Variants in CHL1 observed in about 807,000 individuals in gnomAD.
CHL1 encodes neural cell adhesion molecule L1-like protein.
A neutral mutation model predicts 141.9 loss-of-function variants in CHL1; 96 were observed. The observed-to-expected ratio is 0.68, with a 90% CI of 0.57 to 0.80. The LOEUF (loss-of-function observed/expected upper bound fraction) is 0.80, where lower values mean the gene tolerates loss of function less well. Among genes scored for constraint, CHL1 ranks in the 30% least tolerant of loss-of-function variants. CHL1 has a pLI of 0.00. For missense variants in CHL1, 1,820 were observed against 1,457.2 expected (o/e 1.25, Z -4.05); for synonymous variants, 613 against 502.2 (o/e 1.22, Z -2.95).
intron 2 of CHL1, among the ~76,000 whole-genome samples, chr3:288,744 G>A (rs1697397379): frequency 6.6e-6 from 1 of 152,148 alleles, no homozygotes; most frequent in Admixed American, 6.5e-5. Flanking sequence ...GTGTCCACAG[G>A]GAATTGTCTG....
In CHL1 at chr3:405,682, T is replaced by C; in HGVS notation, c.3646T>C (p.Ser1216Pro). The change falls in exon 28 of 28, where the codon TCT becomes CCT. Residue 1216 changes from serine (S) to proline (P), a missense_variant. Physicochemically the swap from Ser to Pro is moderately conservative, Grantham distance 74. Transcript: ENST00000256509. ...EKGSVESNGS[S>P]TATFPLRA ...GGGATCTGTTGAAAGCAATGGAAGT[T>C]CTACAGCAACTTTTCCCCTTCGGGC... 1.9e-6 allele frequency: 3 copies of C among 1,613,346 alleles called. No individual in the cohort carries two copies. The highest frequency in any genetic ancestry group is 2.5e-6 in the Non-Finnish European group (3 of 1,179,480).
At chr3:266,558 G>C (rs750149495) in intron 2 of CHL1, among the ~76,000 whole-genome samples, 5 of 152,132 alleles carry the variant, frequency 3.3e-5, no homozygotes, top group Non-Finnish European at 7.3e-5. Context: ...GTGAAAACGT[G>C]AAGCTCCAGT....
At chr3:218,395 G>A (rs1313491728) in intron 1 of CHL1, among the ~76,000 whole-genome samples, 2 of 152,158 alleles carry the variant, frequency 1.3e-5, no homozygotes, top group Admixed American at 1.3e-4. Flanking sequence ...GGTATCAAAT[G>A]GAGTTTGGAT....
chr3:224,073 G>T (rs1441812161), intron 1 of CHL1, among the ~76,000 whole-genome samples: 1 of 152,140 alleles, frequency 6.6e-6, no homozygotes, highest in Non-Finnish European at 1.5e-5. Context: ...TGGCACAATG[G>T]CTGGTTATTG....
rs578093745 is a variant in CHL1 at position 366,062 on chromosome 3, G to C, written c.1698G>C (p.Leu566Phe). The C allele has an allele frequency of 1.2e-6, 2 of 1,613,996 alleles. No individual in the cohort carries two copies. The highest frequency in any genetic ancestry group is 1.3e-5 in the African/African-American group (1 of 75,040). Reference protein sequence around the residue: ...CDSHLKHSLKLSWSKDGEAFE... With the variant: ...CDSHLKHSLKFSWSKDGEAFE... ...CACATTTGAAACACAGTTTGAAGTT[G>C]TCCTGGAGTAAAGATGGAGAAGCCT... is the stretch of plus-strand genomic sequence containing the variant. The change falls in exon 15 of 28, where the codon TTG becomes TTC. Residue 566 changes from leucine (L) to phenylalanine (F), a missense_variant. Physicochemically the swap from Leu to Phe is conservative, Grantham distance 22. Coordinates refer to ENST00000256509, the MANE Select transcript of CHL1 (RefSeq NM_006614.4).
In CHL1 at chr3:242,403, T is replaced by C. The variant is rs543058465; in HGVS notation, c.-174-2210T>C. On this transcript the variant is annotated intron_variant, in intron 1 of 27. Transcript: ENST00000256509. ...CGAGGTCAGGAGATCGAGACCATCC[T>C]GGCTAACACGGTGAAACCCCGTCTC... Among the ~76,000 whole-genome samples, 1,354 of 140,996 alleles carry C rather than the reference T, an allele frequency of 9.6e-3. 75 individuals carry two copies. Among genetic ancestry groups the C allele is most frequent in the Admixed American group, 0.085 (1,162 of 13,698 alleles). 92.5% of individuals were successfully genotyped at this position (140,996 alleles called of 152,430 possible). A position where few individuals can be genotyped will look rare whatever the true frequency, so the allele number is the denominator to read the frequency against.
chr3:263,836 T>A (rs775943590), intron 2 of CHL1, among the ~76,000 whole-genome samples: 1 of 152,238 alleles, frequency 6.6e-6, no homozygotes, highest in Non-Finnish European at 1.5e-5. Flanking sequence ...TTTTGCACTG[T>A]TCTTATCTAC....
intron 8 of CHL1, 89 bp from the exon 9 acceptor site, chr3:344,500 G>T: frequency 1.1e-6 from 1 of 924,466 alleles, no homozygotes; most frequent in Non-Finnish European, 1.6e-6. Flanking sequence ...CTCGTGTGTC[G>T]GATTTTTTGT....
In CHL1 at chr3:389,242, T is replaced by C; in HGVS notation, c.2248-10T>C. On this transcript the variant is annotated splice_polypyrimidine_tract_variant and intron_variant, in intron 19 of 27. Coordinates refer to ENST00000256509, the MANE Select transcript of CHL1 (RefSeq NM_006614.4). ...TGATCAGACTAAATGAGTCTTGCCT[T>C]CTGTTTTAGCCTTTGAAATCCATGG... The C allele has an allele frequency of 2.1e-5, 34 of 1,587,086 alleles. No homozygotes were observed. Among genetic ancestry groups the C allele is most frequent in the Non-Finnish European group, 2.9e-5 (34 of 1,165,362 alleles).
intron 2 of CHL1, among the ~76,000 whole-genome samples, chr3:291,437 C>CTTCTT (rs1319838308): frequency 4.0e-5 from 6 of 150,062 alleles, no homozygotes; most frequent in Non-Finnish European, 8.9e-5. Flanking sequence ...TTTCTTTTCT[C>CTTCTT]TTCTTTTCTT....
At chr3:337,795 C>A (rs907311408) in intron 5 of CHL1, among the ~76,000 whole-genome samples, 7 of 152,102 alleles carry the variant, frequency 4.6e-5, no homozygotes, top group African/African-American at 1.7e-4. Context: ...GGGTTGGTTG[C>A]AGGTCTTTAC....
At chr3:221,481 T>C (rs1371603398) in intron 1 of CHL1, among the ~76,000 whole-genome samples, 1 of 152,236 alleles carries the variant, frequency 6.6e-6, no homozygotes, top group Non-Finnish European at 1.5e-5. Context: ...CCTACACTTA[T>C]TCAAAGAATC....
chr3:361,908 T>C, intron 13 of CHL1, 98 bp downstream of exon 13: 1 of 839,170 alleles, frequency 1.2e-6, no homozygotes, highest in Non-Finnish European at 2.0e-6. Context: ...GTGTCTATAT[T>C]GTTACATGTA....
chr3:391,564 A>G lies in CHL1; in HGVS notation c.2792-111A>G. 8 of 714,486 alleles carry G rather than the reference A, an allele frequency of 1.1e-5. 1 individual carries two copies. The South Asian group carries it at 1.3e-4, about 11-fold the overall frequency. 44.3% of individuals were successfully genotyped at this position (714,486 alleles called of 1,614,324 possible). On this transcript the variant is annotated intron_variant, in intron 22 of 27. Coordinates refer to ENST00000256509, the MANE Select transcript of CHL1 (RefSeq NM_006614.4). ...TATTCCTTATTAGTAGTTAATTAAT[A>G]TTTACTTCAGATGAGTTTGCTTGTC...
chr3:234,248 A>G (rs1164357354), intron 1 of CHL1, among the ~76,000 whole-genome samples: 4 of 151,518 alleles, frequency 2.6e-5, no homozygotes, highest in African/African-American at 9.7e-5. Context: ...TTTGTATTTT[A>G]CCAAATATCT....
At chr3:327,710 A>G (rs1025274787) in intron 4 of CHL1, among the ~76,000 whole-genome samples, 14 of 152,062 alleles carry the variant, frequency 9.2e-5, no homozygotes, top group Middle Eastern at 3.4e-3. Flanking sequence ...GCCAAATTAT[A>G]TATTCAGTGT....
At chr3:374,725 C>T (rs1403581199) in intron 15 of CHL1, among the ~76,000 whole-genome samples, 1 of 152,206 alleles carries the variant, frequency 6.6e-6, no homozygotes, top group Non-Finnish European at 1.5e-5. Flanking sequence ...GTAACTGCTG[C>T]TGGCTGGCCT....
At chr3:398,152 C>A in intron 24 of CHL1, 75 bp from the exon 25 acceptor site, 1 of 1,060,990 alleles carries the variant, frequency 9.4e-7, no homozygotes, top group Non-Finnish European at 1.3e-6. Context: ...TTATTCACCT[C>A]TAACAACAAT....
At chr3:398,485 T>C (rs938118964) in intron 25 of CHL1, 100 bp downstream of exon 25, 3 of 614,828 alleles carry the variant, frequency 4.9e-6, no homozygotes, top group South Asian at 8.1e-5. Flanking sequence ...AAACACTGAG[T>C]GTATTAATTA....
Sources: allele counts gnomAD v4.1 joint callset (sites outside exome capture counted in the v4.1 genomes callset), GRCh38; gene constraint gnomAD v4.1.1; transcripts MANE v1.5; gene names NCBI Gene and HGNC (gene_info 2026-07-23, HGNC 2026-07-21).